DGKD: variants seen among roughly 807,000 people sequenced by gnomAD.
DGKD encodes the protein diacylglycerol kinase delta.
In DGKD, 68 loss-of-function variants were observed where a neutral mutation model predicts 154.4. The observed-to-expected ratio is 0.44, with a 90% CI of 0.36 to 0.54. The LOEUF is 0.54. Among genes scored for constraint, DGKD ranks in the 20% least tolerant of loss-of-function variants. The probability of loss-of-function intolerance (pLI) is 0.00; values close to 1 mark genes in which losing one functional copy is unlikely to be tolerated. For synonymous variants in DGKD, 693 were observed against 638.0 expected, an observed-to-expected ratio of 1.09 and a Z score of -1.30; for missense variants, 1,343 against 1,593.6, an observed-to-expected ratio of 0.84 and a Z score of 2.68.
intron 3 of DGKD, among the ~76,000 whole-genome samples, chr2:233,397,568 G>A (rs1354104167): frequency 2.0e-5 from 3 of 151,402 alleles, no homozygotes; most frequent in Non-Finnish European, 4.4e-5. Flanking sequence ...GGACACCAGA[G>A]GGGACCAGAG....
At chr2:233,388,537 G>T in intron 2 of DGKD, 170 bp downstream of exon 2, 2 of 531,220 alleles carry the variant, frequency 3.8e-6, no homozygotes, top group Non-Finnish European at 6.5e-6. Flanking sequence ...CTCAAGGCAT[G>T]TTTTATTTCT....
At chr2:233,403,594 T>C (rs2061610194) in intron 3 of DGKD, among the ~76,000 whole-genome samples, 2 of 151,614 alleles carry the variant, frequency 1.3e-5, no homozygotes. Flanking sequence ...AGGGAGAAAA[T>C]GTTCCCACAG....
At chr2:233,388,763 T>TTTTTG (rs1491316980) in intron 2 of DGKD, 3 of 103,534 alleles carry the variant, frequency 2.9e-5, no homozygotes, top group African/African-American at 7.4e-5. Context: ...TTTTTTTTTT[T>TTTTTG]GAGAGGGAGT....
intron 3 of DGKD, among the ~76,000 whole-genome samples, chr2:233,417,199 A>C (rs1014317089): frequency 2.6e-5 from 4 of 151,832 alleles, no homozygotes; most frequent in Non-Finnish European, 5.9e-5. Context: ...CGCCTGGCTA[A>C]TTTTTGTATT....
intron 2 of DGKD, chr2:233,389,013 C>G (rs1021693570): frequency 6.6e-6 from 1 of 152,440 alleles, no homozygotes; most frequent in African/African-American, 2.4e-5. Flanking sequence ...TCCCAAAGTG[C>G]TGGGATTACA....
rs779988093 is a variant in DGKD, at chr2:233,460,227, A to G, written c.2863A>G (p.Lys955Glu). The change falls in exon 24 of 30, where the codon AAG (lysine) becomes GAG (glutamate). Residue 955 changes from lysine (K) to glutamate (E), a missense_variant. Lys to Glu is a moderately conservative substitution (Grantham distance 56). This residue lies in a region of DGKD where 429 missense variants were observed against 496.3 expected (regional missense o/e 0.86). Transcript: ENST00000264057. Reference protein sequence around the residue: ...FESTLKSWEDKQKCELPRPPS... With the variant: ...FESTLKSWEDEQKCELPRPPS... Reference sequence around the variant, plus strand: ...GAGCACCCTGAAGTCCTGGGAAGACAAGCAGAAGTGCGAGCTGCCCCGCCC... The same window carrying G: ...GAGCACCCTGAAGTCCTGGGAAGACGAGCAGAAGTGCGAGCTGCCCCGCCC... 1.2e-6 allele frequency: 2 copies of G among 1,613,914 alleles called. No homozygotes were observed. The highest frequency in any genetic ancestry group is 1.7e-6 in the Non-Finnish European group (2 of 1,179,962).
intron 3 of DGKD, among the ~76,000 whole-genome samples, chr2:233,430,362 T>C (rs150081157): frequency 2.8e-3 from 432 of 152,326 alleles, no homozygotes; most frequent in Non-Finnish European, 5.1e-3. Flanking sequence ...GGCTGAGTCC[T>C]ATACAGTGGA....
intron 19 of DGKD, among the ~76,000 whole-genome samples, chr2:233,455,684 T>C (rs1331901537): frequency 2.6e-5 from 4 of 152,248 alleles, no homozygotes; most frequent in African/African-American, 9.6e-5. Flanking sequence ...TGAGTCAGGA[T>C]GGGCTTGAAT....
chr2:233,469,244 T>C (rs1252085262), intron 29 of DGKD, 127 bp from the exon 30 acceptor site: 4 of 747,790 alleles, frequency 5.3e-6, no homozygotes, highest in South Asian at 3.4e-5. Flanking sequence ...TTTTACCGTT[T>C]TTGTCATTTT....
intron 3 of DGKD, among the ~76,000 whole-genome samples, chr2:233,423,177 T>C (rs2062177057): frequency 6.6e-6 from 1 of 152,144 alleles, no homozygotes; most frequent in East Asian, 1.9e-4. Context: ...TCCGAATAGT[T>C]TCCAGCTTTT....
rs754484643 is a variant in DGKD at position 233,460,241 on chromosome 2, G to A, written c.2877G>A (p.Glu959=). 3.7e-6 allele frequency: 6 copies of A among 1,613,848 alleles called. No homozygotes were observed. In the Admixed American group the frequency reaches 1.0e-4, roughly 27 times the overall value. Residue 959 remains glutamate, a synonymous_variant, in exon 24 of 30, where the codon GAG becomes GAA. Transcript: ENST00000264057. ...CCTGGGAAGACAAGCAGAAGTGCGA[G>A]CTGCCCCGCCCTCCATCCTGTTCCC... ...LKSWEDKQKC[E]LPRPPSCSLH... is the part of the protein sequence containing the mutation.
At position 233,457,123 on chromosome 2, in the gene DGKD, G is replaced by A; in HGVS notation, c.2473-98G>A. ...CTTGCCTGGGGATGCCCTGGCCACG[G>A]CTGTGCTCCTGAGCCCCTGGCGGTG... is the stretch of plus-strand genomic sequence containing the variant. On this transcript the variant is annotated intron_variant, in intron 20 of 29. Coordinates refer to ENST00000264057, the MANE Select transcript of DGKD (RefSeq NM_152879.3). The surrounding 1 kb of genome is among the most constrained non-coding windows in gnomAD (Gnocchi z 5.5). 1 of 1,312,428 alleles carries A rather than the reference G, an allele frequency of 7.6e-7. No individual in the cohort carries two copies. The highest frequency in any genetic ancestry group is 1.1e-6 in the Non-Finnish European group (1 of 925,478). The allele number at this position is 1,312,428 out of a possible 1,614,324, so 81.3% of individuals were successfully genotyped here. A position where few individuals can be genotyped will look rare whatever the true frequency, so the allele number is the denominator to read the frequency against.
At chr2:233,434,543 C>A in intron 4 of DGKD, 59 bp downstream of exon 4, 1 of 1,533,676 alleles carries the variant, frequency 6.5e-7, no homozygotes, top group Non-Finnish European at 9.0e-7. Flanking sequence ...ACCCCAGTGT[C>A]TGCTGTCTGA....
chr2:233,426,636 C>T (rs1249659035), intron 3 of DGKD, among the ~76,000 whole-genome samples: 3 of 152,042 alleles, frequency 2.0e-5, no homozygotes, highest in African/African-American at 7.2e-5. Flanking sequence ...TGCTTGTCTC[C>T]CAATGTATGA....
rs1431182389 is a variant in DGKD, at chr2:233,364,360, T to TTA, written c.156+9687_156+9688dup. 3.3e-5 allele frequency among the ~76,000 whole-genome samples: 5 copies of TTA among 152,334 alleles called. No individual in the cohort carries two copies. The East Asian group carries it at 9.6e-4, about 29-fold the overall frequency. On this transcript the variant is annotated intron_variant, in intron 1 of 29. Transcript: ENST00000264057. The stretch of plus-strand genomic sequence containing the variant: ...TAAAGGAAAATGCTCAAGTTAAGCG[T>TTA]TAGAGTTACAGGAAGGAATAGAGAC...
At chr2:233,385,745 T>A (rs1325155438) in intron 1 of DGKD, among the ~76,000 whole-genome samples, 3 of 152,248 alleles carry the variant, frequency 2.0e-5, no homozygotes, top group Admixed American at 1.3e-4. Context: ...TTTGGTTCAT[T>A]GCTTTTGACT....
At chr2:233,371,288 A>G (rs944786333) in intron 1 of DGKD, among the ~76,000 whole-genome samples, 4 of 152,140 alleles carry the variant, frequency 2.6e-5, no homozygotes, top group Non-Finnish European at 5.9e-5. Flanking sequence ...CAGTTCCTCA[A>G]TGACTAACAA....
intron 3 of DGKD, among the ~76,000 whole-genome samples, chr2:233,391,560 T>G (rs994395619): frequency 6.6e-6 from 1 of 152,240 alleles, no homozygotes; most frequent in Non-Finnish European, 1.5e-5. Context: ...CTGTGTAAGG[T>G]TTGACTCTAA....
intron 3 of DGKD, among the ~76,000 whole-genome samples, chr2:233,401,692 G>A (rs926488315): frequency 2.6e-5 from 4 of 151,916 alleles, no homozygotes; most frequent in East Asian, 3.9e-4. Flanking sequence ...AAGCTGAGGC[G>A]GTGGTTCAAC....
Sources: gnomAD v4.1 joint callset for allele counts (sites outside exome capture counted in the v4.1 genomes callset) on GRCh38, gnomAD v4.1.1 for gene constraint, gnomAD v4.1.1 regional missense constraint, Gnocchi (gnomAD v3.1) non-coding constraint, MANE v1.5 for transcripts, NCBI Gene and HGNC (gene_info 2026-07-23, HGNC 2026-07-21) for gene names.